The following ZMYM4 variants were observed in gnomAD, a reference collection of about 807,000 sequenced individuals.
The protein encoded by ZMYM4 is zinc finger MYM-type protein 4.
A neutral mutation model predicts 183.2 loss-of-function variants in ZMYM4; 31 were observed. That is an observed-to-expected ratio of 0.17 (90% CI 0.13 to 0.23). The LOEUF is 0.23. Among genes scored for constraint, ZMYM4 ranks in the 10% least tolerant of loss-of-function variants. The probability of loss-of-function intolerance (pLI) is 1.00; values close to 1 mark genes in which losing one functional copy is unlikely to be tolerated. For missense variants in ZMYM4, 1,273 were observed against 1,840.3 expected (o/e 0.69, Z 5.64); for synonymous variants, 592 against 631.2 (o/e 0.94, Z 0.93).
chr1:35,314,120 G>A (rs1641928699), intron 1 of ZMYM4, among the ~76,000 whole-genome samples: 1 of 152,132 alleles, frequency 6.6e-6, no homozygotes, highest in Non-Finnish European at 1.5e-5. Flanking sequence ...GTTTGCTATA[G>A]ACTTTAGGAA....
chr1:35,418,002 C>G (rs1350272591), intron 28 of ZMYM4, among the ~76,000 whole-genome samples: 2 of 150,578 alleles, frequency 1.3e-5, no homozygotes, highest in South Asian at 2.1e-4. Context: ...GAGCAAAGTT[C>G]CGTCTCAAAA....
intron 1 of ZMYM4, among the ~76,000 whole-genome samples, chr1:35,306,990 A>G (rs931042054): frequency 6.6e-6 from 1 of 152,226 alleles, no homozygotes; most frequent in Non-Finnish European, 1.5e-5. Context: ...GTTTTAACAT[A>G]GTTTTAATGC....
At chr1:35,355,235 G>T (rs1643780189) in intron 2 of ZMYM4, among the ~76,000 whole-genome samples, 1 of 121,170 alleles carries the variant, frequency 8.3e-6, no homozygotes. Flanking sequence ...TTTAAGTAGA[G>T]ACAGGGTTTC....
chr1:35,322,116 T>C (rs1642307328), intron 1 of ZMYM4, among the ~76,000 whole-genome samples: 1 of 152,314 alleles, frequency 6.6e-6, no homozygotes, highest in Admixed American at 6.5e-5. Context: ...TCTCTCTTCA[T>C]TTTGTATCTT....
chr1:35,399,382 AATATAGTG>A, intron 22 of ZMYM4, 92 bp from the exon 23 acceptor site: 1 of 1,073,228 alleles, frequency 9.3e-7, no homozygotes, highest in Non-Finnish European at 1.4e-6. Context: ...CAAACTAATG[AATATAGTG>A]ATGATTACCT....
rs778445103 is a variant in ZMYM4, at chr1:35,392,269, C to G, written c.2645C>G (p.Ser882Trp). The change falls in exon 16 of 30, where the codon TCG (serine) becomes TGG (tryptophan). Residue 882 changes from serine (S) to tryptophan (W), a missense_variant. Around this residue, in one of 6 missense-constraint regions of ZMYM4, gnomAD observed 290 missense variants for 353.3 expected, o/e 0.82. Transcript: ENST00000314607. ...SAGPPSLRKD[S>W]TPVIANVVSL... ...GGACCCCCATCTCTGAGAAAAGATT[C>G]GACTCCAGTTATAGCCAATGTAGTA... 2 of 1,614,140 alleles carry G rather than the reference C, an allele frequency of 1.2e-6. No individual in the cohort carries two copies. The highest frequency in any genetic ancestry group is 1.3e-5 in the African/African-American group (1 of 75,026).
intron 2 of ZMYM4, among the ~76,000 whole-genome samples, chr1:35,352,707 C>T (rs1056330201): frequency 6.6e-6 from 1 of 152,098 alleles, no homozygotes; most frequent in African/African-American, 2.4e-5. Flanking sequence ...TCTATGACAC[C>T]AGTCTCCTCA....
At chr1:35,390,389 G>A (rs536709272) in intron 15 of ZMYM4, among the ~76,000 whole-genome samples, 10 of 151,838 alleles carry the variant, frequency 6.6e-5, no homozygotes, top group African/African-American at 1.9e-4. Flanking sequence ...GGGTGGGGCC[G>A]TTTTATAAGA....
intron 7 of ZMYM4, among the ~76,000 whole-genome samples, chr1:35,376,369 A>G (rs930278381): frequency 3.3e-5 from 5 of 152,188 alleles, no homozygotes; most frequent in Admixed American, 3.3e-4. Context: ...TGCTGCTCCC[A>G]ATTCTTATCT....
intron 26 of ZMYM4, among the ~76,000 whole-genome samples, chr1:35,411,905 C>T (rs746880476): frequency 1.3e-5 from 2 of 152,006 alleles, no homozygotes; most frequent in East Asian, 1.9e-4. Flanking sequence ...TTTTTTGAGA[C>T]GGAGTCTCAC....
Position 35,269,021 on chromosome 1 carries a change from C to T in ZMYM4, c.-26C>T, listed in dbSNP as rs747812897. On this transcript the variant is annotated 5_prime_UTR_variant, in exon 1 of 30. Transcript: ENST00000314607. ...GTACCGCCGCCACCGCGCGGGGAGC[C>T]GCAGCGGTTCCGAGCGGGGCCCAAC... The T allele has an allele frequency of 1.6e-5, 25 of 1,528,490 alleles. No homozygotes were observed. Among genetic ancestry groups the T allele is most frequent in the Middle Eastern group, 4.3e-4 (2 of 4,656 alleles). 94.7% of individuals were successfully genotyped at this position (1,528,490 alleles called of 1,614,324 possible).
At chr1:35,325,459 A>C in intron 2 of ZMYM4, 54 bp downstream of exon 2, 1 of 1,544,676 alleles carries the variant, frequency 6.5e-7, no homozygotes, top group South Asian at 1.2e-5. Flanking sequence ...AATGAATGTT[A>C]ATCTAGATGT....
At chr1:35,368,219 A>G (rs1644135528) in intron 5 of ZMYM4, among the ~76,000 whole-genome samples, 1 of 152,172 alleles carries the variant, frequency 6.6e-6, no homozygotes, top group Non-Finnish European at 1.5e-5. Flanking sequence ...TATGGCCTGC[A>G]AAGTCAAAAA....
intron 1 of ZMYM4, among the ~76,000 whole-genome samples, chr1:35,271,524 T>A (rs1639606333): frequency 6.6e-6 from 1 of 152,156 alleles, no homozygotes; most frequent in Non-Finnish European, 1.5e-5. Flanking sequence ...TGCTTCAGCC[T>A]CCCAAGTAGC....
rs775211352 is a variant in ZMYM4 at position 35,282,980 on chromosome 1, G to GTTTTTTTT, written c.39+13924_39+13931dup. On this transcript the variant is annotated intron_variant, in intron 1 of 29. Transcript: ENST00000314607. Reference sequence around the variant, plus strand: ...ATACTTGTTGTTTTCTGTGTGTGTGGTTTTTTTTTTTTTTTTTTTTTTTTT... The same window carrying GTTTTTTTT: ...ATACTTGTTGTTTTCTGTGTGTGTGGTTTTTTTTTTTTTTTTTTTTTTTTTTTTTTTTT... 4.6e-3 allele frequency among the ~76,000 whole-genome samples: 120 copies of GTTTTTTTT among 26,256 alleles called. 51 individuals are homozygous for GTTTTTTTT. Among genetic ancestry groups the GTTTTTTTT allele is most frequent in the Non-Finnish European group, 8.9e-3 (77 of 8,634 alleles). 17.2% of individuals were successfully genotyped at this position (26,256 alleles called of 152,430 possible). A position where few individuals can be genotyped will look rare whatever the true frequency, so the allele number is the denominator to read the frequency against.
intron 17 of ZMYM4, among the ~76,000 whole-genome samples, chr1:35,393,047 C>T (rs1481710708): frequency 6.6e-6 from 1 of 152,128 alleles, no homozygotes; most frequent in Non-Finnish European, 1.5e-5. Flanking sequence ...ACAGATTATA[C>T]TGTAAAAAAA....
At chr1:35,287,312 C>T (rs970754196) in intron 1 of ZMYM4, among the ~76,000 whole-genome samples, 1 of 151,588 alleles carries the variant, frequency 6.6e-6, no homozygotes, top group Admixed American at 6.6e-5. Context: ...AGTGATCCTC[C>T]TTCCTTGGCC....
Position 35,391,427 on chromosome 1 carries a change from A to G in ZMYM4, c.2588-785A>G, listed in dbSNP as rs187680201. Among the ~76,000 whole-genome samples the G allele has an allele frequency of 5.4e-3, 821 of 152,302 alleles. 2 individuals are homozygous for G. The highest frequency in any genetic ancestry group is 9.7e-3 in the Non-Finnish European group (662 of 68,030). ...TACACACTATGTGCTAGGCCACTTTATCTCAGAAAATTTATTATTTAAAAA... is the reference window on the plus strand; with the variant it reads ...TACACACTATGTGCTAGGCCACTTTGTCTCAGAAAATTTATTATTTAAAAA... On this transcript the variant is annotated intron_variant, in intron 15 of 29. Coordinates refer to ENST00000314607, the MANE Select transcript of ZMYM4 (RefSeq NM_005095.3).
chr1:35,317,616 T>G (rs1191009796), intron 1 of ZMYM4, among the ~76,000 whole-genome samples: 1 of 152,230 alleles, frequency 6.6e-6, no homozygotes, highest in Non-Finnish European at 1.5e-5. Context: ...AAGGCTGGTT[T>G]GATCATTTCA....
Sources: gnomAD v4.1 joint callset for allele counts (sites outside exome capture counted in the v4.1 genomes callset) on GRCh38, gnomAD v4.1.1 for gene constraint, gnomAD v4.1.1 regional missense constraint, MANE v1.5 for transcripts, NCBI Gene and HGNC (gene_info 2026-07-23, HGNC 2026-07-21) for gene names.